The following GAS7 variants were observed in gnomAD, a reference collection of about 807,000 sequenced individuals.
GAS7 encodes growth arrest-specific protein 7.
A neutral mutation model predicts 71.1 loss-of-function variants in GAS7; 28 were observed. That is an observed-to-expected ratio of 0.39 (90% CI 0.29 to 0.54). GAS7 has a LOEUF of 0.54. Ranked by LOEUF, GAS7 falls within the 20% of genes least tolerant of loss-of-function variation. The probability of loss-of-function intolerance (pLI) is 0.62; values close to 1 mark genes in which losing one functional copy is unlikely to be tolerated. For synonymous variants in GAS7, 258 were observed against 245.8 expected (o/e 1.05, Z -0.46); for missense variants, 436 against 627.8 (o/e 0.69, Z 3.27).
chr17:10,086,128 G>A (rs2073516843), intron 1 of GAS7, among the ~76,000 whole-genome samples: 1 of 152,224 alleles, frequency 6.6e-6, no homozygotes, highest in Non-Finnish European at 1.5e-5. Context: ...GTGGGGGTGA[G>A]GAGCAGCCTT....
intron 1 of GAS7, among the ~76,000 whole-genome samples, chr17:10,105,948 C>T (rs1229967310): frequency 1.3e-5 from 2 of 152,152 alleles, no homozygotes; most frequent in Non-Finnish European, 2.9e-5. Flanking sequence ...CGTATTTCCT[C>T]TCGAGTCTCT....
intron 1 of GAS7, chr17:10,059,644 CGAGCATCTGCATCAAAGATAACCAGCA>C: frequency 5.1e-6 from 5 of 973,566 alleles, no homozygotes; most frequent in Non-Finnish European, 6.1e-6. Flanking sequence ...CAATTAGCTT[CGAGCATCTGCATCAAAGATAACCAGCA>C]GAGCCCTGGT....
intron 1 of GAS7, among the ~76,000 whole-genome samples, chr17:10,105,426 C>G (rs2073747630): frequency 6.6e-6 from 1 of 152,160 alleles, no homozygotes. Flanking sequence ...GCTCAGCGGT[C>G]CCATGTGACT....
intron 1 of GAS7, among the ~76,000 whole-genome samples, chr17:10,060,548 G>A (rs1449606522): frequency 6.6e-6 from 1 of 152,138 alleles, no homozygotes; most frequent in Non-Finnish European, 1.5e-5. Context: ...AAAGCCCGCA[G>A]TCCCCAAGAC....
At chr17:10,064,248 C>T (rs529000778) in intron 1 of GAS7, among the ~76,000 whole-genome samples, 16 of 152,266 alleles carry the variant, frequency 1.1e-4, no homozygotes, top group African/African-American at 2.6e-4. Flanking sequence ...GTGGGAGTCT[C>T]GTGCCAGAGG....
Position 10,034,062 on chromosome 17 carries a change from A to T in GAS7, c.184-14165T>A. The T allele has an allele frequency of 1.1e-6, 1 of 948,300 alleles. No homozygotes were observed. 58.7% of individuals were successfully genotyped at this position (948,300 alleles called of 1,614,324 possible). ...CTGCTGCCGCTGGCACATATAAAGT[A>T]GGCAAATGGTGACAGCCAAGGGCCT... is the stretch of plus-strand genomic sequence containing the variant. On this transcript the variant is annotated intron_variant, in intron 1 of 13. Coordinates refer to ENST00000432992, the MANE Select transcript of GAS7 (RefSeq NM_201433.2). The surrounding 1 kb of genome is among the most constrained non-coding windows in gnomAD (Gnocchi z 4.4).
chr17:10,167,847 C>T (rs2074307349), intron 1 of GAS7, among the ~76,000 whole-genome samples: 3 of 152,052 alleles, frequency 2.0e-5, no homozygotes, highest in Admixed American at 6.6e-5. Context: ...TACAGGCATG[C>T]ACCACCATGC....
intron 2 of GAS7, among the ~76,000 whole-genome samples, chr17:10,007,347 G>A (rs949850892): frequency 3.3e-5 from 5 of 152,064 alleles, no homozygotes; most frequent in Non-Finnish European, 7.4e-5. Context: ...TTTCTAGGCC[G>A]GGCACGGTGG....
At chr17:10,170,885 C>T (rs2074331047) in intron 1 of GAS7, among the ~76,000 whole-genome samples, 1 of 152,210 alleles carries the variant, frequency 6.6e-6, no homozygotes, top group African/African-American at 2.4e-5. Flanking sequence ...TTAGAAGTAT[C>T]CCTCTGCCAC....
chr17:10,095,877 A>C (rs2073636669), intron 1 of GAS7, among the ~76,000 whole-genome samples: 2 of 151,856 alleles, frequency 1.3e-5, no homozygotes, highest in South Asian at 4.2e-4. Flanking sequence ...AAACAGCACA[A>C]ACCTCTTTAA....
rs3051291 is a variant in GAS7 at position 10,175,596 on chromosome 17, T to TTTAG, written c.183+22608_183+22611dup. ...GGCCCACCCTAATGACCGCATTTTATTTAGTTAGTTAGTTAGTTAGTTAGT... is the reference window on the plus strand; with the variant it reads ...GGCCCACCCTAATGACCGCATTTTATTTAGTTAGTTAGTTAGTTAGTTAGTTAGT... On this transcript the variant is annotated intron_variant, in intron 1 of 13. Coordinates refer to ENST00000432992, the MANE Select transcript of GAS7 (RefSeq NM_201433.2). 2.9e-3 allele frequency among the ~76,000 whole-genome samples: 441 copies of TTTAG among 151,550 alleles called. 4 individuals carry two copies. Among genetic ancestry groups the TTTAG allele is most frequent in the Non-Finnish European group, 3.9e-3 (264 of 67,878 alleles).
chr17:10,055,418 C>A (rs1046601190), intron 1 of GAS7, among the ~76,000 whole-genome samples: 9 of 152,160 alleles, frequency 5.9e-5, no homozygotes, highest in African/African-American at 2.2e-4. Flanking sequence ...TGTCCCCTGG[C>A]GGACCTCAGG....
intron 11 of GAS7, among the ~76,000 whole-genome samples, chr17:9,924,214 C>A (rs989399382): frequency 2.6e-5 from 4 of 152,176 alleles, no homozygotes; most frequent in East Asian, 1.9e-4. Context: ...CTCTCTGTCA[C>A]CCAGGCTGGA....
At chr17:10,077,982 A>G (rs1273725976) in intron 1 of GAS7, among the ~76,000 whole-genome samples, 1 of 152,188 alleles carries the variant, frequency 6.6e-6, no homozygotes, top group Non-Finnish European at 1.5e-5. Flanking sequence ...TTGAGATGAA[A>G]AAACAGACCT....
At chr17:10,054,797 C>T (rs2073113756) in intron 1 of GAS7, among the ~76,000 whole-genome samples, 2 of 152,170 alleles carry the variant, frequency 1.3e-5, no homozygotes. Flanking sequence ...TGAACCCCTT[C>T]CAAGGGCTGC....
intron 1 of GAS7, among the ~76,000 whole-genome samples, chr17:10,146,140 G>A (rs1008385455): frequency 1.4e-4 from 22 of 152,126 alleles, no homozygotes; most frequent in Admixed American, 5.9e-4. Context: ...TGTCCACATC[G>A]AGCACCAAGG....
intron 1 of GAS7, among the ~76,000 whole-genome samples, chr17:10,033,630 G>A (rs1381341988): frequency 6.6e-6 from 1 of 152,186 alleles, no homozygotes; most frequent in Non-Finnish European, 1.5e-5. Flanking sequence ...AGATGCACCG[G>A]GGGGCAAAAG....
chr17:10,160,745 C>T (rs550755041), intron 1 of GAS7, among the ~76,000 whole-genome samples: 11 of 152,250 alleles, frequency 7.2e-5, no homozygotes, highest in African/African-American at 2.6e-4. Flanking sequence ...CACTATGTTG[C>T]CTAGGCTGAA....
chr17:10,101,790 G>C (rs1281348339), intron 1 of GAS7, among the ~76,000 whole-genome samples: 1 of 152,298 alleles, frequency 6.6e-6, no homozygotes, highest in Non-Finnish European at 1.5e-5. Context: ...TTCTATCACT[G>C]TTCCCACCAT....
Sources: allele counts gnomAD v4.1 joint callset (sites outside exome capture counted in the v4.1 genomes callset), GRCh38; gene constraint gnomAD v4.1.1; non-coding constraint Gnocchi (gnomAD v3.1); transcripts MANE v1.5; gene names NCBI Gene and HGNC (gene_info 2026-07-23, HGNC 2026-07-21).